LAMP2: variants seen among roughly 807,000 people sequenced by gnomAD.
LAMP2 encodes the protein lysosome-associated membrane glycoprotein 2.
In LAMP2, 4 loss-of-function variants were observed where a neutral mutation model predicts 25.6. The observed-to-expected ratio is 0.16, with a 90% CI of 0.08 to 0.36. LAMP2 has a LOEUF of 0.36. Among genes scored for constraint, LAMP2 ranks in the 10% least tolerant of loss-of-function variants. The pLI, the probability that LAMP2 is intolerant of heterozygous loss-of-function variation, is 1.00. For missense variants in LAMP2, 272 were observed against 301.4 expected, an observed-to-expected ratio of 0.90 and a Z score of 0.72; for synonymous variants, 108 against 112.7, an observed-to-expected ratio of 0.96 and a Z score of 0.27.
intron 8 of LAMP2, among the ~76,000 whole-genome samples, chrX:120,435,103 A>G (rs2058537707): frequency 8.9e-6 from 1 of 111,962 alleles, no homozygotes; most frequent in Non-Finnish European, 1.9e-5. Context: ...ATACACACCC[A>G]AGCCTGGGCA....
In LAMP2 at chrX:120,469,173, C is replaced by A. The variant is rs200297370; in HGVS notation, c.-4G>T. 8.3e-7 allele frequency: 1 copy of A among 1,211,607 alleles called. No homozygotes were observed. The highest frequency in any genetic ancestry group is 1.7e-5 in the African/African-American group (1 of 57,986). ...GGAAGAGGCGGAAGCACACCATGAC[C>A]CCGCAGAGCAGGCGGCGACGGCGGC... is the stretch of plus-strand genomic sequence containing the variant. On this transcript the variant is annotated 5_prime_UTR_variant, in exon 1 of 9. Coordinates refer to ENST00000200639, the MANE Select transcript of LAMP2 (RefSeq NM_002294.3).
intron 6 of LAMP2, among the ~76,000 whole-genome samples, chrX:120,444,232 G>T (rs2058586811): frequency 9.0e-6 from 1 of 110,952 alleles, no homozygotes; most frequent in Non-Finnish European, 1.9e-5. Context: ...GCAATGGGGA[G>T]TAAAAGCTAG....
At chrX:120,450,634 T>C (rs981511224) in intron 3 of LAMP2, among the ~76,000 whole-genome samples, 7 of 111,292 alleles carry the variant, frequency 6.3e-5, no homozygotes, top group African/African-American at 2.3e-4. Context: ...GACAGGAAGG[T>C]TATACCCCAA....
At position 120,441,851 on chromosome X, in the gene LAMP2, G is replaced by C. The variant is rs1229203142; in HGVS notation, c.972C>G (p.Pro324=). 3.3e-6 allele frequency: 4 copies of C among 1,208,657 alleles called. No individual in the cohort carries two copies. The highest frequency in any genetic ancestry group is 4.5e-6 in the Non-Finnish European group (4 of 893,983). The part of the protein sequence containing the change: ...ANNNLSYWDA[P]LGSSYMCNKE... ...TGTTGCACATATAAGAACTTCCCAG[G>C]GGGGCATCCCAGTAGCTGAGATTGT... The change falls in exon 8 of 9, where the codon CCC becomes CCG. Residue 324 remains proline (P), a synonymous_variant. Coordinates refer to ENST00000200639, the MANE Select transcript of LAMP2 (RefSeq NM_002294.3).
rs929905079 is a variant in LAMP2, at chrX:120,428,662, T to C, written c.*2661A>G. On this transcript the variant is annotated 3_prime_UTR_variant, in exon 9 of 9. Coordinates refer to ENST00000200639, the MANE Select transcript of LAMP2 (RefSeq NM_002294.3). ...AGAACAGACAGCAAGGAAAGGAAAT[T>C]AGCAAAGAATGCAATTAAGTAGTAA... 1 of 1,146,177 alleles carries C rather than the reference T, an allele frequency of 8.7e-7. No individual in the cohort carries two copies. Among genetic ancestry groups the C allele is most frequent in the Non-Finnish European group, 1.2e-6 (1 of 867,083 alleles). The allele number at this position is 1,146,177 out of a possible 1,213,427, so 94.5% of individuals were successfully genotyped here. A position where few individuals can be genotyped will look rare whatever the true frequency, so the allele number is the denominator to read the frequency against.
In LAMP2 at chrX:120,429,312, A is replaced by T. The variant is rs2058513460; in HGVS notation, c.*2011T>A. 2.8e-6 allele frequency: 2 copies of T among 719,009 alleles called. No individual in the cohort carries two copies. Among genetic ancestry groups the T allele is most frequent in the African/African-American group, 3.5e-5 (1 of 28,711 alleles). The allele number at this position is 719,009 out of a possible 1,213,427, so 59.3% of individuals were successfully genotyped here. The stretch of plus-strand genomic sequence containing the variant: ...TAGATTTTGAGTTCTGGATTCAGAC[A>T]GAACTGTGTTTAAATCTTGACTCCT... On this transcript the variant is annotated 3_prime_UTR_variant, in exon 9 of 9. Coordinates refer to ENST00000200639, the MANE Select transcript of LAMP2 (RefSeq NM_002294.3).
At chrX:120,439,342 G>C (rs756770207) in intron 8 of LAMP2, 3 of 1,106,815 alleles carry the variant, frequency 2.7e-6, no homozygotes, top group African/African-American at 1.8e-5. Context: ...AATCACAAAA[G>C]AATGTCTCGA....
chrX:120,431,808 TATG>T (rs1475471938), intron 8 of LAMP2, among the ~76,000 whole-genome samples: 2 of 112,367 alleles, frequency 1.8e-5, no homozygotes, highest in African/African-American at 6.5e-5. Context: ...GGCAAACTGT[TATG>T]ATGTCGAAGA....
In LAMP2 at chrX:120,430,835, G is replaced by A; in HGVS notation, c.*488C>T. The A allele has an allele frequency of 1.3e-6, 1 of 758,121 alleles. No homozygotes were observed. Among genetic ancestry groups the A allele is most frequent in the Non-Finnish European group, 1.6e-6 (1 of 640,951 alleles). 62.5% of individuals were successfully genotyped at this position (758,121 alleles called of 1,213,427 possible). A position where few individuals can be genotyped will look rare whatever the true frequency, so the allele number is the denominator to read the frequency against. On this transcript the variant is annotated 3_prime_UTR_variant, in exon 9 of 9. Coordinates refer to ENST00000200639, the MANE Select transcript of LAMP2 (RefSeq NM_002294.3). ...CTGAAAACCAAGTTTAAGCATATCT[G>A]ATGGGCATTTATACCACATCAATAT...
Position 120,431,422 on chromosome X carries a change from G to C in LAMP2, c.1134C>G (p.Pro378=). ...CSADDDNFLV[P]IAVGAALAGV... ...CTGCCAAGGCAGCTCCCACCGCTAT[G>C]GGCACAAGGAAGTTGTCGTCATCTG... The change falls in exon 9 of 9, where the codon CCC becomes CCG. Residue 378 remains proline (P), a synonymous_variant. Transcript: ENST00000200639. The C allele has an allele frequency of 8.3e-7, 1 of 1,211,142 alleles. No individual in the cohort carries two copies. Among genetic ancestry groups the C allele is most frequent in the Non-Finnish European group, 1.1e-6 (1 of 894,797 alleles).
At chrX:120,467,541 C>T (rs1921591162) in intron 1 of LAMP2, among the ~76,000 whole-genome samples, 2 of 111,812 alleles carry the variant, frequency 1.8e-5, no homozygotes, top group African/African-American at 3.3e-5. Flanking sequence ...CCTAATATGT[C>T]TATTTCTTCC....
At position 120,426,877 on chromosome X, in the gene LAMP2, CTA is replaced by C. The variant is rs2058500999; in HGVS notation, c.*4444_*4445del. On this transcript the variant is annotated 3_prime_UTR_variant, in exon 9 of 9. Coordinates refer to ENST00000200639, the MANE Select transcript of LAMP2 (RefSeq NM_002294.3). ...GAGAGTGTGAATCTGTATGTCAGAG[CTA>C]TAGAGTTCTAGAGGAGTTGTAGTTG... is the stretch of plus-strand genomic sequence containing the variant. Among the ~76,000 whole-genome samples the C allele has an allele frequency of 1.8e-5, 2 of 112,330 alleles. No individual in the cohort carries two copies. The highest frequency in any genetic ancestry group is 3.8e-5 in the Non-Finnish European group (2 of 53,215).
chrX:120,428,877 T>C lies in LAMP2; in HGVS notation c.*2446A>G, dbSNP rs992912231. On this transcript the variant is annotated 3_prime_UTR_variant, in exon 9 of 9. Coordinates refer to ENST00000200639, the MANE Select transcript of LAMP2 (RefSeq NM_002294.3). ...AAAATAGAGAATTGCGCTTGCCTAA[T>C]ATGGGAAGACTTTAGGTTTGATTAT... is the stretch of plus-strand genomic sequence containing the variant. The C allele has an allele frequency of 1.3e-6, 1 of 749,797 alleles. No homozygotes were observed. Among genetic ancestry groups the C allele is most frequent in the Admixed American group, 9.1e-5 (1 of 11,018 alleles). 61.8% of individuals were successfully genotyped at this position (749,797 alleles called of 1,213,427 possible).
intron 6 of LAMP2, among the ~76,000 whole-genome samples, chrX:120,445,780 T>G (rs2058593218): frequency 8.9e-6 from 1 of 112,509 alleles, no homozygotes; most frequent in East Asian, 2.8e-4. Flanking sequence ...AAAACCTGAA[T>G]GCTGCCATTA....
chrX:120,441,166 T>C (rs1252726111), intron 8 of LAMP2, among the ~76,000 whole-genome samples: 1 of 80,348 alleles, frequency 1.2e-5, no homozygotes, highest in African/African-American at 5.1e-5. Flanking sequence ...ATGAACACAT[T>C]ATAATGAGCC....
chrX:120,428,296 A>C lies in LAMP2; in HGVS notation c.*3027T>G. The C allele has an allele frequency of 2.2e-6, 1 of 460,343 alleles. No homozygotes were observed. The highest frequency in any genetic ancestry group is 4.8e-5 in the East Asian group (1 of 20,918). 37.9% of individuals were successfully genotyped at this position (460,343 alleles called of 1,213,427 possible). On this transcript the variant is annotated 3_prime_UTR_variant, in exon 9 of 9. Transcript: ENST00000200639. ...ATTATACTTTAACAAAGGAAGAAAA[A>C]AAACAGAAAAAAATTGGTCCTAATA...
At chrX:120,436,271 C>T (rs1053465623) in intron 8 of LAMP2, among the ~76,000 whole-genome samples, 1 of 110,399 alleles carries the variant, frequency 9.1e-6, no homozygotes, top group Non-Finnish European at 1.9e-5. Context: ...TTTTATAAAA[C>T]GCTTCCCAGG....
At chrX:120,461,842 C>A (rs189617649) in intron 1 of LAMP2, among the ~76,000 whole-genome samples, 68 of 112,335 alleles carry the variant, frequency 6.1e-4, no homozygotes, top group Admixed American at 9.4e-4. Context: ...TTTAGCTCTT[C>A]CAAATCTTGA....
At position 120,428,439 on chromosome X, in the gene LAMP2, G is replaced by GT. The variant is rs773987053; in HGVS notation, c.*2883dup. Reference sequence around the variant, plus strand: ...GTCCTGGCTTTTAGCCAATGGAAACGTAACTTCTAATTGAAAAAAACAAAC... The same window carrying GT: ...GTCCTGGCTTTTAGCCAATGGAAACGTTAACTTCTAATTGAAAAAAACAAAC... On this transcript the variant is annotated 3_prime_UTR_variant, in exon 9 of 9. Coordinates refer to ENST00000200639, the MANE Select transcript of LAMP2 (RefSeq NM_002294.3). 1 of 1,139,027 alleles carries GT rather than the reference G, an allele frequency of 8.8e-7. No homozygotes were observed. The highest frequency in any genetic ancestry group is 1.2e-6 in the Non-Finnish European group (1 of 863,434). The allele number at this position is 1,139,027 out of a possible 1,213,427, so 93.9% of individuals were successfully genotyped here.
Sources: gnomAD v4.1 joint callset for allele counts (sites outside exome capture counted in the v4.1 genomes callset) on GRCh38, gnomAD v4.1.1 for gene constraint, MANE v1.5 for transcripts, NCBI Gene and HGNC (gene_info 2026-07-23, HGNC 2026-07-21) for gene names.